Variants in KCNIP4 observed in about 807,000 individuals in gnomAD.
KCNIP4 encodes the protein Kv channel-interacting protein 4.
KCNIP4 carries 12 observed loss-of-function variants against 34.0 expected under a neutral mutation model. The ratio of observed to expected loss-of-function variants is 0.35; its 90% confidence interval spans 0.23 to 0.57. The LOEUF (loss-of-function observed/expected upper bound fraction) is 0.57, where lower values mean the gene tolerates loss of function less well. Ranked by LOEUF, KCNIP4 falls within the 20% of genes least tolerant of loss-of-function variation. KCNIP4 has a pLI of 0.83. For synonymous variants in KCNIP4, 124 were observed against 102.2 expected (o/e 1.21, Z -1.29); for missense variants, 238 against 311.7 (o/e 0.76, Z 1.78).
intron 1 of KCNIP4, among the ~76,000 whole-genome samples, chr4:21,522,551 C>A (rs970905829): frequency 2.0e-5 from 3 of 151,916 alleles, no homozygotes; most frequent in African/African-American, 7.3e-5. Flanking sequence ...ATGACTAATC[C>A]TTTCTACCCA....
chr4:20,922,310 A>G (rs759720562), intron 1 of KCNIP4, among the ~76,000 whole-genome samples: 4 of 152,218 alleles, frequency 2.6e-5, no homozygotes, highest in Non-Finnish European at 5.9e-5. Context: ...CATCCAGTCC[A>G]TTGAGGGCCT....
intron 1 of KCNIP4, among the ~76,000 whole-genome samples, chr4:21,192,404 G>A (rs556563538): frequency 1.4e-4 from 21 of 152,242 alleles, no homozygotes; most frequent in South Asian, 6.2e-4. Flanking sequence ...TGAGCATGAC[G>A]TAAGTGCACA....
chr4:21,321,803 A>AGG (rs1714480770), intron 1 of KCNIP4, among the ~76,000 whole-genome samples: 3 of 143,654 alleles, frequency 2.1e-5, no homozygotes, highest in Non-Finnish European at 4.6e-5. Flanking sequence ...GGAGGGAGGG[A>AGG]GAAGAGGAGG....
chr4:21,333,259 T>C (rs1051545484), intron 1 of KCNIP4, among the ~76,000 whole-genome samples: 2 of 152,012 alleles, frequency 1.3e-5, no homozygotes, highest in Non-Finnish European at 2.9e-5. Flanking sequence ...AGTATAAATT[T>C]TTTTTAGGCA....
intron 1 of KCNIP4, among the ~76,000 whole-genome samples, chr4:21,033,147 G>A (rs905693326): frequency 2.0e-5 from 3 of 152,150 alleles, no homozygotes; most frequent in African/African-American, 7.2e-5. Flanking sequence ...CTGAGATCTT[G>A]AATTATGTTA....
intron 1 of KCNIP4, among the ~76,000 whole-genome samples, chr4:20,964,140 C>A (rs1464765264): frequency 6.6e-6 from 1 of 152,038 alleles, no homozygotes; most frequent in Non-Finnish European, 1.5e-5. Context: ...CATGTGAGGT[C>A]CTCAGCCCTT....
At chr4:20,843,166 C>A (rs1333527690) in intron 3 of KCNIP4, among the ~76,000 whole-genome samples, 1 of 152,082 alleles carries the variant, frequency 6.6e-6, no homozygotes, top group Non-Finnish European at 1.5e-5. Context: ...CCTAGGCTTC[C>A]CAAAGTGCTA....
chr4:21,562,096 C>T (rs966147658), intron 1 of KCNIP4, among the ~76,000 whole-genome samples: 73 of 151,998 alleles, frequency 4.8e-4, no homozygotes, highest in African/African-American at 1.7e-3. Flanking sequence ...CTTTCTCTTC[C>T]TTTCTGTCTC....
At chr4:21,099,768 T>C (rs1747780002) in intron 1 of KCNIP4, among the ~76,000 whole-genome samples, 1 of 152,180 alleles carries the variant, frequency 6.6e-6, no homozygotes, top group Non-Finnish European at 1.5e-5. Flanking sequence ...AGAATGTTCA[T>C]AATTCATGGG....
intron 1 of KCNIP4, among the ~76,000 whole-genome samples, chr4:21,142,686 G>T (rs1439288903): frequency 6.6e-6 from 1 of 152,110 alleles, no homozygotes; most frequent in African/African-American, 2.4e-5. Context: ...TCTTCACCTT[G>T]TCGTGCTTTC....
chr4:21,312,897 C>A (rs1320217128), intron 1 of KCNIP4, among the ~76,000 whole-genome samples: 1 of 152,200 alleles, frequency 6.6e-6, no homozygotes, highest in Non-Finnish European at 1.5e-5. Context: ...AAGGGCAGAA[C>A]TGATGTGCAG....
At chr4:20,902,627 C>T (rs529783672) in intron 1 of KCNIP4, among the ~76,000 whole-genome samples, 1 of 152,264 alleles carries the variant, frequency 6.6e-6, no homozygotes, top group South Asian at 2.1e-4. Flanking sequence ...TCACGTGATT[C>T]TCTTGCCCCA....
intron 1 of KCNIP4, among the ~76,000 whole-genome samples, chr4:21,275,518 C>G (rs931470157): frequency 1.1e-4 from 16 of 152,160 alleles, no homozygotes; most frequent in African/African-American, 3.6e-4. Context: ...CAGAGCTTCC[C>G]TTTATTAATT....
At chr4:21,421,331 G>A (rs756488390) in intron 1 of KCNIP4, among the ~76,000 whole-genome samples, 37 of 152,086 alleles carry the variant, frequency 2.4e-4, no homozygotes, top group Non-Finnish European at 3.5e-4. Flanking sequence ...TCATGTTCAT[G>A]GTAGCATTAG....
intron 1 of KCNIP4, among the ~76,000 whole-genome samples, chr4:21,760,444 GTT>G (rs1717972413): frequency 9.0e-5 from 2 of 22,166 alleles, no homozygotes; most frequent in African/African-American, 8.5e-4. Context: ...TTAGATACAT[GTT>G]CATGTTTTTA....
intron 1 of KCNIP4, among the ~76,000 whole-genome samples, chr4:21,932,267 C>T (rs1292415765): frequency 1.3e-5 from 2 of 151,936 alleles, no homozygotes; most frequent in Admixed American, 6.6e-5. Flanking sequence ...GTGAGAAACT[C>T]GGAAAACAGA....
At chr4:21,455,825 A>T (rs1254214164) in intron 1 of KCNIP4, among the ~76,000 whole-genome samples, 1 of 59,420 alleles carries the variant, frequency 1.7e-5, no homozygotes, top group African/African-American at 7.1e-5. Flanking sequence ...ATATATATAT[A>T]TATATATATA....
chr4:21,013,044 G>A (rs988291056), intron 1 of KCNIP4, among the ~76,000 whole-genome samples: 1 of 152,204 alleles, frequency 6.6e-6, no homozygotes, highest in African/African-American at 2.4e-5. Context: ...AGCTGAGAAT[G>A]AACTGAAATG....
At chr4:20,776,878 G>T (rs149578633) in intron 3 of KCNIP4, among the ~76,000 whole-genome samples, 540 of 152,160 alleles carry the variant, frequency 3.5e-3, no homozygotes, top group Non-Finnish European at 6.2e-3. Context: ...GACCATTATA[G>T]GGTAATTATG....
Sources: allele counts gnomAD v4.1 joint callset (sites outside exome capture counted in the v4.1 genomes callset), GRCh38; gene constraint gnomAD v4.1.1; transcripts MANE v1.5; gene names NCBI Gene and HGNC (gene_info 2026-07-23, HGNC 2026-07-21).